Variants in FAAH2 observed in about 807,000 individuals in gnomAD.
The protein encoded by FAAH2 is fatty-acid amide hydrolase 2.
In FAAH2, 60 loss-of-function variants were observed where a neutral mutation model predicts 36.9. The observed-to-expected ratio is 1.63, with a 90% CI of 1.32 to 2.02. The LOEUF (loss-of-function observed/expected upper bound fraction) is 2.02. Ranked by LOEUF, FAAH2 falls within the 30% of genes most tolerant of loss-of-function variation. The probability of loss-of-function intolerance (pLI) is 0.00; values close to 1 mark genes in which losing one functional copy is unlikely to be tolerated. For missense variants in FAAH2, 689 were observed against 397.5 expected (o/e 1.73, Z -6.23); for synonymous variants, 214 against 143.8 (o/e 1.49, Z -3.49).
the FAAH2 span, among the ~76,000 whole-genome samples, chrX:57,252,159 G>A: frequency 8.9e-6 from 1 of 112,549 alleles, no homozygotes; most frequent in Non-Finnish European, 1.9e-5. Context: ...CTGAAGTTTG[G>A]CAGGGGGAGG....
In FAAH2 at chrX:57,451,733, G is replaced by A. The variant is rs777187596; in HGVS notation, c.1423+3015G>A. Among the ~76,000 whole-genome samples the A allele has an allele frequency of 3.6e-5, 4 of 111,403 alleles. No individual in the cohort carries two copies. In the South Asian group the frequency reaches 1.5e-3, roughly 42 times the overall value. ...TTTTAATAGAGGAGTGAGAGGAGGAGCATGAGTTTGAAAAGGTAAGCATGT... is the reference window on the plus strand; with the variant it reads ...TTTTAATAGAGGAGTGAGAGGAGGAACATGAGTTTGAAAAGGTAAGCATGT... On this transcript the variant is annotated intron_variant, in intron 10 of 10. Transcript: ENST00000374900.
the FAAH2 span, among the ~76,000 whole-genome samples, chrX:57,249,074 T>C: frequency 1.8e-5 from 2 of 111,229 alleles, no homozygotes; most frequent in African/African-American, 6.5e-5. Context: ...ATATATGTCA[T>C]TTTACAAAAT....
At chrX:57,375,961 A>G (rs1454076554) in intron 5 of FAAH2, among the ~76,000 whole-genome samples, 1 of 111,673 alleles carries the variant, frequency 9.0e-6, no homozygotes, top group African/African-American at 3.2e-5. Flanking sequence ...ATATTGAGTT[A>G]TGTCAAAAGT....
intron 5 of FAAH2, among the ~76,000 whole-genome samples, chrX:57,346,753 G>T (rs959070518): frequency 3.6e-5 from 4 of 111,575 alleles, no homozygotes; most frequent in African/African-American, 1.3e-4. Flanking sequence ...CTCCCTTAAG[G>T]ACCCCTTTTA....
chrX:57,460,315 A>G (rs978147112), intron 10 of FAAH2, among the ~76,000 whole-genome samples: 1 of 111,108 alleles, frequency 9.0e-6, no homozygotes, highest in Non-Finnish European at 1.9e-5. Flanking sequence ...GAATACCACT[A>G]AGGTACTCCT....
At chrX:57,328,912 G>A (rs781079655) in intron 3 of FAAH2, among the ~76,000 whole-genome samples, 2 of 111,441 alleles carry the variant, frequency 1.8e-5, no homozygotes, top group Non-Finnish European at 3.8e-5. Context: ...GACTTTTGAA[G>A]GTTAGGAACC....
At chrX:57,479,500 T>G (rs931765747) in intron 10 of FAAH2, among the ~76,000 whole-genome samples, 5 of 111,147 alleles carry the variant, frequency 4.5e-5, no homozygotes, top group Non-Finnish European at 9.4e-5. Context: ...CTGCCTAATT[T>G]CCCTGGCCAG....
At chrX:57,464,655 A>G (rs1188551570) in intron 10 of FAAH2, among the ~76,000 whole-genome samples, 1 of 110,529 alleles carries the variant, frequency 9.0e-6, no homozygotes, top group Non-Finnish European at 1.9e-5. Flanking sequence ...TACATCCAAC[A>G]AAGGCCTACT....
chrX:57,315,425 C>T (rs942300450), intron 3 of FAAH2, among the ~76,000 whole-genome samples: 2 of 111,345 alleles, frequency 1.8e-5, no homozygotes, highest in Non-Finnish European at 1.9e-5. Context: ...TATCATCACC[C>T]TAATACAAAA....
the FAAH2 span, among the ~76,000 whole-genome samples, chrX:57,124,680 T>C: frequency 8.9e-6 from 1 of 111,755 alleles, no homozygotes; most frequent in Non-Finnish European, 1.9e-5. Context: ...TTTATTTCCT[T>C]GTGCAGTGGT....
intron 2 of FAAH2, among the ~76,000 whole-genome samples, chrX:57,301,054 T>C (rs1018795028): frequency 5.4e-5 from 6 of 110,155 alleles, no homozygotes; most frequent in Non-Finnish European, 9.5e-5. Flanking sequence ...GTCAGTGTGG[T>C]GATTCCTCAG....
At chrX:57,339,586 G>A (rs770917326) in intron 4 of FAAH2, among the ~76,000 whole-genome samples, 1 of 111,721 alleles carries the variant, frequency 9.0e-6, no homozygotes, top group South Asian at 3.7e-4. Context: ...TAAAAAGTAG[G>A]CAAAGGACAT....
At chrX:57,452,120 C>T (rs1449531474) in intron 10 of FAAH2, 3 of 747,849 alleles carry the variant, frequency 4.0e-6, no homozygotes, top group East Asian at 1.5e-4. Context: ...TCTCCCCTCT[C>T]CCCACTTTAG....
intron 5 of FAAH2, among the ~76,000 whole-genome samples, chrX:57,352,737 A>G (rs1027282504): frequency 9.0e-6 from 1 of 111,302 alleles, no homozygotes; most frequent in Non-Finnish European, 1.9e-5. Context: ...AAAAATATTT[A>G]AATTTGATAA....
the FAAH2 span, among the ~76,000 whole-genome samples, chrX:57,257,352 C>G: frequency 8.9e-6 from 1 of 111,882 alleles, no homozygotes; most frequent in Admixed American, 9.5e-5. Flanking sequence ...CCATGGAATA[C>G]TATGCAGCCA....
the FAAH2 span, among the ~76,000 whole-genome samples, chrX:57,224,104 C>T: frequency 9.0e-6 from 1 of 111,567 alleles, no homozygotes; most frequent in Non-Finnish European, 1.9e-5. Flanking sequence ...GTCTTGGGGT[C>T]TCCACCCTTA....
rs765703450 is a variant in FAAH2, at chrX:57,378,651, G to A, written c.743G>A (p.Gly248Asp). The change falls in exon 6 of 11, where the codon GGT becomes GAT. Residue 248 changes from glycine (G) to aspartate (D), a missense_variant and splice_region_variant. Transcript: ENST00000374900. ...CTAACCTGACTGTCTATCCTTTCAGGTGTGGTTCCCAACAAAGGTCAGTTT... is the reference window on the plus strand; with the variant it reads ...CTAACCTGACTGTCTATCCTTTCAGATGTGGTTCCCAACAAAGGTCAGTTT... ...NGIFGHKPSPGVVPNKGQFPL... is the reference protein window; with the variant it reads ...NGIFGHKPSPDVVPNKGQFPL... The A allele has an allele frequency of 4.1e-6, 5 of 1,209,046 alleles. No homozygotes were observed. In the African/African-American group the frequency reaches 5.3e-5, roughly 13 times the overall value.
chrX:57,223,890 G>T, the FAAH2 span, among the ~76,000 whole-genome samples: 4 of 111,266 alleles, frequency 3.6e-5, no homozygotes, highest in Non-Finnish European at 7.5e-5. Context: ...TATAAAATGG[G>T]TTCTCCACAC....
chrX:57,399,356 GT>G (rs2055379311), intron 7 of FAAH2, among the ~76,000 whole-genome samples: 1 of 111,893 alleles, frequency 8.9e-6, no homozygotes, highest in Non-Finnish European at 1.9e-5. Context: ...GAAAGGTTTG[GT>G]GAAGGGTTTA....
Sources: gnomAD v4.1 joint callset for allele counts (sites outside exome capture counted in the v4.1 genomes callset) on GRCh38, gnomAD v4.1.1 for gene constraint, MANE v1.5 for transcripts, NCBI Gene and HGNC (gene_info 2026-07-23, HGNC 2026-07-21) for gene names.